F11: variants seen among roughly 807,000 people sequenced by gnomAD.
F11 encodes the protein coagualtion factor XI.
A neutral mutation model predicts 76.5 loss-of-function variants in F11; 78 were observed. That is an observed-to-expected ratio of 1.02 (90% CI 0.85 to 1.23). The LOEUF (loss-of-function observed/expected upper bound fraction) is 1.23, where lower values mean the gene tolerates loss of function less well. Among genes scored for constraint, F11 ranks in the 50% most tolerant of loss-of-function variants. F11 has a pLI of 0.00. For missense variants in F11, 742 were observed against 771.4 expected, an observed-to-expected ratio of 0.96 and a Z score of 0.45; for synonymous variants, 278 against 276.3, an observed-to-expected ratio of 1.01 and a Z score of -0.06.
intron 1 of F11, among the ~76,000 whole-genome samples, chr4:186,266,868 CG>C (rs1323139492): frequency 6.6e-6 from 1 of 151,900 alleles, no homozygotes; most frequent in East Asian, 1.9e-4. Flanking sequence ...GCGGCGGGGC[CG>C]GCGGGGAAGG....
At chr4:186,280,736 C>A (rs564051351) in intron 10 of F11, among the ~76,000 whole-genome samples, 156 bp downstream of exon 10, 1 of 152,236 alleles carries the variant, frequency 6.6e-6, no homozygotes, top group South Asian at 2.1e-4. Context: ...GTCACTCAAG[C>A]TGACCATGTT....
intron 3 of F11, 109 bp downstream of exon 3, chr4:186,271,880 G>T: frequency 8.0e-7 from 1 of 1,243,246 alleles, no homozygotes; most frequent in East Asian, 2.4e-5. Flanking sequence ...ACAACTGGAA[G>T]ATAAATTGTC....
Position 186,271,778 on chromosome 4 carries a change from G to A in F11, c.218+7G>A, listed in dbSNP as rs1477956290. 2 of 1,614,084 alleles carry A rather than the reference G, an allele frequency of 1.2e-6. No homozygotes were observed. Among genetic ancestry groups the A allele is most frequent in the Admixed American group, 1.7e-5 (1 of 60,022 alleles). ...CTGAGGATCCCACCCGATGGTAAAT[G>A]CTTATGTTTCTACATCGAGGAGACA... On this transcript the variant is annotated splice_region_variant and intron_variant, in intron 3 of 14. Coordinates refer to ENST00000403665, the MANE Select transcript of F11 (RefSeq NM_000128.4).
intron 3 of F11, 23 bp from the exon 4 acceptor site, chr4:186,273,048 A>G: frequency 7.0e-7 from 1 of 1,437,218 alleles, no homozygotes; most frequent in Non-Finnish European, 9.8e-7. Flanking sequence ...CTATTCATTA[A>G]TATGTATTTT....
At chr4:186,288,325 C>T in intron 14 of F11, 128 bp from the exon 15 acceptor site, 1 of 1,119,940 alleles carries the variant, frequency 8.9e-7, no homozygotes, top group Non-Finnish European at 1.4e-6. Flanking sequence ...CGCAAGCACC[C>T]AGGTTCTCTG....
At chr4:186,275,969 A>T (rs1011300552) in intron 6 of F11, 73 bp downstream of exon 6, 3 of 1,228,486 alleles carry the variant, frequency 2.4e-6, no homozygotes, top group Non-Finnish European at 3.5e-6. Flanking sequence ...CTCACTCAGG[A>T]TACCAGCTTA....
At chr4:186,282,551 T>A in intron 10 of F11, 2 of 985,436 alleles carry the variant, frequency 2.0e-6, no homozygotes, top group South Asian at 9.4e-5. Context: ...TCTAAACACA[T>A]ATTTTCAGCA....
At chr4:186,275,681 G>A (rs1197313349) in intron 5 of F11, 106 bp from the exon 6 acceptor site, 4 of 783,994 alleles carry the variant, frequency 5.1e-6, no homozygotes, top group African/African-American at 3.4e-5. Context: ...TGGATGCTTC[G>A]GGGTCTCGCA....
At chr4:186,274,789 T>C in intron 5 of F11, 1 of 180,068 alleles carries the variant, frequency 5.6e-6, no homozygotes, top group Admixed American at 5.5e-5. Context: ...CAAATCTGTG[T>C]TCTCATCTTT....
chr4:186,272,492 G>A (rs1410761154), intron 3 of F11, among the ~76,000 whole-genome samples: 1 of 152,140 alleles, frequency 6.6e-6, no homozygotes, highest in African/African-American at 2.4e-5. Flanking sequence ...CCAACCATTT[G>A]TATTCCCATC....
At chr4:186,279,120 C>G (rs772179464) in intron 7 of F11, among the ~76,000 whole-genome samples, 11 of 152,210 alleles carry the variant, frequency 7.2e-5, no homozygotes, top group Non-Finnish European at 1.5e-4. Context: ...TGCAGTGGCT[C>G]ACGCCTGTAA....
Position 186,288,437 on chromosome 4 carries a change from T to G in F11, c.1717-16T>G, listed in dbSNP as rs759555867. ...GAGTTGATCTGTGCACCTTTTCTTG[T>G]CTCCCCTCGTTCTAGGGAGATTCGG... is the stretch of plus-strand genomic sequence containing the variant. On this transcript the variant is annotated splice_polypyrimidine_tract_variant and intron_variant, in intron 14 of 14. Transcript: ENST00000403665. The G allele has an allele frequency of 8.7e-6, 14 of 1,613,878 alleles. No homozygotes were observed. In the African/African-American group the frequency reaches 1.9e-4, roughly 22 times the overall value.
chr4:186,276,318 G>T lies in F11; in HGVS notation c.683G>T (p.Arg228Leu), dbSNP rs281875246. ...GCTCCCGATGCTTTTGTCTGTGGCC[G>T]AATCTGCACTCATCATCCCGGTTGC... ...VMAPDAFVCG[R>L]ICTHHPGCLF... is the part of the protein sequence containing the mutation. The change falls in exon 7 of 15, where the codon CGA becomes CTA. Residue 228 changes from arginine to leucine, a missense_variant. Physicochemically the swap from Arg to Leu is moderately radical, Grantham distance 102. Transcript: ENST00000403665. 6.2e-7 allele frequency: 1 copy of T among 1,614,072 alleles called. No homozygotes were observed. The highest frequency in any genetic ancestry group is 1.1e-5 in the South Asian group (1 of 91,078).
chr4:186,283,005 T>G (rs775038156), intron 10 of F11: 1 of 985,180 alleles, frequency 1.0e-6, no homozygotes, highest in African/African-American at 1.7e-5. Flanking sequence ...TAACTTAGAC[T>G]CCTCCCTTAG....
chr4:186,288,658 T>C lies in F11; in HGVS notation c.*44T>C. The C allele has an allele frequency of 6.3e-7, 1 of 1,590,780 alleles. No homozygotes were observed. The highest frequency in any genetic ancestry group is 8.6e-7 in the Non-Finnish European group (1 of 1,166,778). ...TTGGAGTCCCTGAAGGACCCAGGATTTGCTGGGAGAGGGTGTTGAGTTCAC... is the reference window on the plus strand; with the variant it reads ...TTGGAGTCCCTGAAGGACCCAGGATCTGCTGGGAGAGGGTGTTGAGTTCAC... On this transcript the variant is annotated 3_prime_UTR_variant, in exon 15 of 15. Transcript: ENST00000403665.
chr4:186,276,885 G>A (rs1005314268), intron 7 of F11, among the ~76,000 whole-genome samples: 34 of 151,974 alleles, frequency 2.2e-4, no homozygotes, highest in African/African-American at 7.5e-4. Flanking sequence ...CACCGTGCCC[G>A]GCCAGTAAAT....
rs567683265 is a variant in F11, at chr4:186,286,770, A to G, written c.1576+260A>G. 9 of 931,342 alleles carry G rather than the reference A, an allele frequency of 9.7e-6. No homozygotes were observed. In the African/African-American group the frequency reaches 1.6e-4, roughly 17 times the overall value. 57.7% of individuals were successfully genotyped at this position (931,342 alleles called of 1,614,324 possible). On this transcript the variant is annotated intron_variant, in intron 13 of 14. Coordinates refer to ENST00000403665, the MANE Select transcript of F11 (RefSeq NM_000128.4). The stretch of plus-strand genomic sequence containing the variant: ...TTTAATGTGAAGCCTAGCACTTTTC[A>G]GTAAATGTTCTAGCCTGCTATCCAA...
intron 2 of F11, among the ~76,000 whole-genome samples, chr4:186,270,798 A>T (rs1004618190): frequency 2.0e-5 from 3 of 151,502 alleles, no homozygotes; most frequent in Non-Finnish European, 4.4e-5. Flanking sequence ...GGCTCAGGAG[A>T]TCCTCCTACC....
chr4:186,276,580 C>CTAT lies in F11; in HGVS notation c.755+191_755+192insATT, dbSNP rs1740401218. On this transcript the variant is annotated intron_variant, in intron 7 of 14. Coordinates refer to ENST00000403665, the MANE Select transcript of F11 (RefSeq NM_000128.4). ...ACCACAAACCCAACATTACCGAGGA[C>CTAT]TCTTTTTTTTTTTTTTTTTTTTTTG... Among the ~76,000 whole-genome samples the CTAT allele has an allele frequency of 5.7e-5, 7 of 122,698 alleles. No individual in the cohort carries two copies. The Admixed American group carries it at 6.3e-4, about 11-fold the overall frequency. The allele number at this position is 122,698 out of a possible 152,430, so 80.5% of individuals were successfully genotyped here.
Sources: allele counts gnomAD v4.1 joint callset (sites outside exome capture counted in the v4.1 genomes callset), GRCh38; gene constraint gnomAD v4.1.1; transcripts MANE v1.5; gene names NCBI Gene and HGNC (gene_info 2026-07-23, HGNC 2026-07-21).